GPC5: variants seen among roughly 807,000 people sequenced by gnomAD.
GPC5 encodes glypican-5.
In GPC5, 47 loss-of-function variants were observed where a neutral mutation model predicts 53.9. That is an observed-to-expected ratio of 0.87 (90% CI 0.69 to 1.11). The LOEUF is 1.11. Ranked by LOEUF, GPC5 falls within the 50% of genes most tolerant of loss-of-function variation. GPC5 has a pLI of 0.00. For synonymous variants in GPC5, 286 were observed against 263.3 expected (o/e 1.09, Z -0.84); for missense variants, 748 against 713.1 (o/e 1.05, Z -0.56).
At chr13:91,907,503 T>TTATATATATATATATATATATATATA (rs369447673) in intron 5 of GPC5, among the ~76,000 whole-genome samples, 4 of 129,542 alleles carry the variant, frequency 3.1e-5, no homozygotes, top group African/African-American at 1.2e-4. Flanking sequence ...CTCTCTCTCT[T>TTATATATATATATATATATATATATA]TATATATATA....
In GPC5 at chr13:92,206,799, T is replaced by C. The variant is rs546448672; in HGVS notation, c.1561+61810T>C. On this transcript the variant is annotated intron_variant, in intron 7 of 7. Transcript: ENST00000377067. The stretch of plus-strand genomic sequence containing the variant: ...AGCATATTGTTAGAATCTCATTCTG[T>C]CATTAACAATTAGTTCAATCCATCA... Among the ~76,000 whole-genome samples the C allele has an allele frequency of 3.9e-5, 6 of 152,292 alleles. No homozygotes were observed. The East Asian group carries it at 1.2e-3, about 30-fold the overall frequency.
chr13:92,430,584 G>T (rs138091875), intron 7 of GPC5, among the ~76,000 whole-genome samples: 4 of 152,106 alleles, frequency 2.6e-5, no homozygotes, highest in Non-Finnish European at 5.9e-5. Flanking sequence ...GTGCCTCTTC[G>T]CTAGACTGTC....
intron 7 of GPC5, among the ~76,000 whole-genome samples, chr13:92,226,334 G>A (rs1240745760): frequency 6.6e-6 from 1 of 152,096 alleles, no homozygotes; most frequent in Non-Finnish European, 1.5e-5. Flanking sequence ...GTATATAAGA[G>A]AACAACAATC....
At chr13:91,738,575 G>C (rs959694022) in intron 4 of GPC5, among the ~76,000 whole-genome samples, 2 of 150,640 alleles carry the variant, frequency 1.3e-5, no homozygotes, top group African/African-American at 5.0e-5. Context: ...TCTCTTTACT[G>C]CATGTCTTTT....
At chr13:92,358,912 T>A (rs1423828333) in intron 7 of GPC5, among the ~76,000 whole-genome samples, 2 of 151,738 alleles carry the variant, frequency 1.3e-5, no homozygotes, top group East Asian at 3.9e-4. Flanking sequence ...GGCATTTTTT[T>A]TTCATTGTCT....
At chr13:92,439,712 G>A (rs1241127389) in intron 7 of GPC5, among the ~76,000 whole-genome samples, 1 of 152,100 alleles carries the variant, frequency 6.6e-6, no homozygotes, top group Non-Finnish European at 1.5e-5. Flanking sequence ...CAAAGACAAT[G>A]GGGGTCTATA....
At chr13:91,973,871 G>A (rs9523462) in intron 6 of GPC5, among the ~76,000 whole-genome samples, 3,555 of 152,244 alleles carry the variant, frequency 0.023, 77 homozygotes, top group Middle Eastern at 0.051. Context: ...GTACCCGGCC[G>A]TGTGAGGTGT....
At chr13:92,253,505 A>G (rs994116954) in intron 7 of GPC5, among the ~76,000 whole-genome samples, 2 of 152,136 alleles carry the variant, frequency 1.3e-5, no homozygotes, top group Non-Finnish European at 2.9e-5. Context: ...GCAGATAAGG[A>G]AAGAGTAGTC....
chr13:92,272,358 A>G (rs2042845694), intron 7 of GPC5, among the ~76,000 whole-genome samples: 2 of 152,140 alleles, frequency 1.3e-5, no homozygotes, highest in South Asian at 2.1e-4. Flanking sequence ...AGGAATATCC[A>G]CTAGCCATGA....
At chr13:92,807,365 A>T (rs1212411183) in intron 7 of GPC5, among the ~76,000 whole-genome samples, 1 of 152,028 alleles carries the variant, frequency 6.6e-6, no homozygotes, top group Non-Finnish European at 1.5e-5. Flanking sequence ...TAGCTTGTTC[A>T]TAATATTAGT....
chr13:92,445,081 C>A (rs1002173867), intron 7 of GPC5, among the ~76,000 whole-genome samples: 5 of 152,154 alleles, frequency 3.3e-5, no homozygotes, highest in Admixed American at 3.3e-4. Flanking sequence ...CAACTATAGG[C>A]TGTATCATTG....
At chr13:92,748,779 T>C (rs991423990) in intron 7 of GPC5, among the ~76,000 whole-genome samples, 4 of 152,220 alleles carry the variant, frequency 2.6e-5, no homozygotes, top group Non-Finnish European at 4.4e-5. Context: ...ATCCTTTTTC[T>C]GCATTACATT....
intron 7 of GPC5, among the ~76,000 whole-genome samples, chr13:92,378,449 TA>T (rs2043712314): frequency 6.6e-6 from 1 of 152,192 alleles, no homozygotes; most frequent in Admixed American, 6.6e-5. Flanking sequence ...ATACACTTTT[TA>T]AACAAGTTAT....
At chr13:92,203,860 C>A (rs1016466217) in intron 7 of GPC5, among the ~76,000 whole-genome samples, 1 of 149,772 alleles carries the variant, frequency 6.7e-6, no homozygotes, top group African/African-American at 2.4e-5. Context: ...CTGCTGAAAT[C>A]AAAATCAAAG....
At chr13:92,272,804 G>C (rs536492047) in intron 7 of GPC5, among the ~76,000 whole-genome samples, 1 of 152,282 alleles carries the variant, frequency 6.6e-6, no homozygotes, top group South Asian at 2.1e-4. Context: ...GTGAGACTTG[G>C]AGAAATATAA....
At chr13:92,763,932 G>T (rs1368717240) in intron 7 of GPC5, among the ~76,000 whole-genome samples, 1 of 152,092 alleles carries the variant, frequency 6.6e-6, no homozygotes, top group Non-Finnish European at 1.5e-5. Context: ...CCGTAGTAGT[G>T]ACTCTGGCCC....
At chr13:91,955,834 A>G (rs9589378) in intron 6 of GPC5, among the ~76,000 whole-genome samples, 11,792 of 152,226 alleles carry the variant, frequency 0.077, 570 homozygotes, top group Middle Eastern at 0.14. Flanking sequence ...ACACATCGCT[A>G]CAACTCTGGA....
At chr13:92,347,871 TA>T (rs1784386926) in intron 7 of GPC5, among the ~76,000 whole-genome samples, 3 of 12,586 alleles carry the variant, frequency 2.4e-4, no homozygotes, top group Admixed American at 1.6e-3. Context: ...ATATTATATA[TA>T]TAATATATAT....
intron 2 of GPC5, among the ~76,000 whole-genome samples, chr13:91,547,695 A>G (rs1239983119): frequency 6.6e-6 from 1 of 152,092 alleles, no homozygotes; most frequent in Admixed American, 6.6e-5. Context: ...AAAACTACAG[A>G]CCAATATTTA....
Sources: allele counts gnomAD v4.1 joint callset (sites outside exome capture counted in the v4.1 genomes callset), GRCh38; gene constraint gnomAD v4.1.1; transcripts MANE v1.5; gene names NCBI Gene and HGNC (gene_info 2026-07-23, HGNC 2026-07-21).